Variants in RIPOR2 observed in about 807,000 individuals in gnomAD.
RIPOR2 encodes the protein RHO family interacting cell polarization regulator 2.
In RIPOR2, 39 loss-of-function variants were observed where a neutral mutation model predicts 114.5. The observed-to-expected ratio is 0.34, with a 90% CI of 0.26 to 0.44. The LOEUF is 0.44. RIPOR2 is among the 20% of genes least tolerant of loss of function. The probability of loss-of-function intolerance (pLI) is 1.00; values close to 1 mark genes in which losing one functional copy is unlikely to be tolerated. For missense variants in RIPOR2, 1,007 were observed against 1,255.1 expected (o/e 0.80, Z 2.99); for synonymous variants, 445 against 484.4 (o/e 0.92, Z 1.07).
intron 1 of RIPOR2, among the ~76,000 whole-genome samples, chr6:24,908,899 C>T (rs541356700): frequency 3.3e-5 from 5 of 152,292 alleles, no homozygotes; most frequent in African/African-American, 7.2e-5. Flanking sequence ...CGCATGCTTT[C>T]GGTTTTCTTT....
intron 1 of RIPOR2, 140 bp from the exon 2 acceptor site, chr6:24,875,957 C>A: frequency 1.3e-6 from 1 of 764,888 alleles, no homozygotes; most frequent in Non-Finnish European, 2.1e-6. Flanking sequence ...TATGGAGTGT[C>A]CTGAAGACGA....
At chr6:24,821,195 T>G (rs1759671541) in intron 19 of RIPOR2, among the ~76,000 whole-genome samples, 1 of 149,966 alleles carries the variant, frequency 6.7e-6, no homozygotes, top group African/African-American at 2.5e-5. Context: ...TTTTTTTTTT[T>G]TTTTGAGATG....
At chr6:24,971,978 ATAT>A (rs1443866745) in intron 1 of RIPOR2, among the ~76,000 whole-genome samples, 8 of 152,136 alleles carry the variant, frequency 5.3e-5, no homozygotes, top group Non-Finnish European at 1.0e-4. Flanking sequence ...AGCTTTCGAC[ATAT>A]TATTATTATT....
chr6:25,013,064 T>A (rs1454076750), intron 1 of RIPOR2, among the ~76,000 whole-genome samples: 1 of 151,736 alleles, frequency 6.6e-6, no homozygotes, highest in African/African-American at 2.4e-5. Flanking sequence ...GGTGAGCATC[T>A]GCAGAATGCT....
At chr6:24,857,755 T>A (rs570089593) in intron 8 of RIPOR2, among the ~76,000 whole-genome samples, 3 of 152,334 alleles carry the variant, frequency 2.0e-5, no homozygotes, top group African/African-American at 4.8e-5. Context: ...GACCAGGATA[T>A]ATGCACTGCC....
At position 24,852,653 on chromosome 6, in the gene RIPOR2, C is replaced by T. The variant is rs775968621; in HGVS notation, c.716-35G>A. 3.3e-6 allele frequency: 5 copies of T among 1,537,098 alleles called. No individual in the cohort carries two copies. The African/African-American group carries it at 4.2e-5, about 13-fold the overall frequency. The stretch of plus-strand genomic sequence containing the variant: ...AGAAATTGGAAGGTGAGGTGTAGAA[C>T]ATATTTCCCCTCTCTATAGACACAT... On this transcript the variant is annotated intron_variant, in intron 8 of 21. Transcript: ENST00000643898.
chr6:24,949,245 T>C (rs576058866), intron 1 of RIPOR2, among the ~76,000 whole-genome samples: 3 of 152,164 alleles, frequency 2.0e-5, no homozygotes, highest in South Asian at 2.1e-4. Context: ...AGCAAGAAGA[T>C]AGAAACACCA....
intron 1 of RIPOR2, among the ~76,000 whole-genome samples, chr6:25,022,753 C>T (rs1350452385): frequency 6.6e-6 from 1 of 151,616 alleles, no homozygotes; most frequent in Non-Finnish European, 1.5e-5. Flanking sequence ...ACTATGTTGT[C>T]CAGGCTGGTC....
At chr6:25,021,380 G>A (rs966660507) in intron 1 of RIPOR2, among the ~76,000 whole-genome samples, 2 of 152,158 alleles carry the variant, frequency 1.3e-5, no homozygotes, top group African/African-American at 4.8e-5. Context: ...AATTAAGGCT[G>A]TGGCACCCAA....
At chr6:24,818,861 G>A (rs1050266804) in intron 19 of RIPOR2, among the ~76,000 whole-genome samples, 9 of 151,584 alleles carry the variant, frequency 5.9e-5, no homozygotes, top group African/African-American at 1.9e-4. Context: ...GAACATAAGG[G>A]ATCAATTTAT....
intron 6 of RIPOR2, among the ~76,000 whole-genome samples, chr6:24,866,028 C>T (rs990935669): frequency 6.6e-6 from 1 of 152,054 alleles, no homozygotes; most frequent in Non-Finnish European, 1.5e-5. Context: ...GATATTTACA[C>T]ATCCAGATTT....
intron 1 of RIPOR2, among the ~76,000 whole-genome samples, chr6:24,889,984 C>A (rs1050180279): frequency 5.9e-5 from 9 of 151,994 alleles, no homozygotes; most frequent in African/African-American, 2.4e-5. Context: ...CTCTGCCTCC[C>A]GGGTTCAAGC....
rs372774599 is a variant in RIPOR2 at position 24,883,103 on chromosome 6, C to T, written c.62-7286G>A. 1.4e-4 allele frequency among the ~76,000 whole-genome samples: 22 copies of T among 152,262 alleles called. 1 individual carries two copies. Among genetic ancestry groups the T allele is most frequent in the African/African-American group, 5.1e-4 (21 of 41,548 alleles). On this transcript the variant is annotated intron_variant, in intron 1 of 21. Transcript: ENST00000643898. This position sits in a 1 kb window ranked among gnomAD's most constrained non-coding sequence, Gnocchi z 4.1. Reference sequence around the variant, plus strand: ...AATAGCTAGATGCTACTGTCTTAACCCTTATGGTGTTTTCCTTTTTTAAAA... The same window carrying T: ...AATAGCTAGATGCTACTGTCTTAACTCTTATGGTGTTTTCCTTTTTTAAAA...
intron 13 of RIPOR2, among the ~76,000 whole-genome samples, chr6:24,841,869 T>A (rs533854369): frequency 6.6e-6 from 1 of 152,010 alleles, no homozygotes; most frequent in African/African-American, 2.4e-5. Flanking sequence ...CTGCCCGCCT[T>A]GGCCTTCCAA....
intron 1 of RIPOR2, among the ~76,000 whole-genome samples, chr6:24,983,873 T>C (rs1226575791): frequency 1.3e-5 from 2 of 151,592 alleles, no homozygotes; most frequent in Non-Finnish European, 1.5e-5. Context: ...TGGCCATGGT[T>C]AAGTTCTATC....
At position 25,005,738 on chromosome 6, in the gene RIPOR2, T is replaced by TATATATAC. The variant is rs34572978; in HGVS notation, c.76+36112_76+36113insGTATATAT. Among the ~76,000 whole-genome samples the TATATATAC allele has an allele frequency of 8.9e-3, 628 of 70,662 alleles. 98 individuals are homozygous for TATATATAC. The highest frequency in any genetic ancestry group is 0.016 in the Non-Finnish European group (475 of 30,004). The allele number at this position is 70,662 out of a possible 152,430, so 46.4% of individuals were successfully genotyped here. ...ATATATATATATATATATATATATATATACATTTACCGATCAAAAGATATG... is the reference window on the plus strand; with the variant it reads ...ATATATATATATATATATATATATATATATATACATACATTTACCGATCAAAAGATATG... On this transcript the variant is annotated intron_variant, in intron 1 of 13. Coordinates refer to the RIPOR2 transcript ENST00000510784.
chr6:24,948,064 C>A (rs1399119356), intron 1 of RIPOR2: 1 of 152,130 alleles, frequency 6.6e-6, no homozygotes, highest in African/African-American at 2.4e-5. Flanking sequence ...ACTATTTTAC[C>A]TGCCATTATC....
rs1761936066 is a variant in RIPOR2 at position 24,843,402 on chromosome 6, G to A, written c.1317C>T (p.Thr439=). The change falls in exon 13 of 22, where the codon ACC becomes ACT. Residue 439 remains threonine, a synonymous_variant. Coordinates refer to ENST00000643898, the MANE Select transcript of RIPOR2 (RefSeq NM_001286445.3). ...TGAGGTTAAACTCCGCAGGGGTGAT[G>A]GTAATTTCTGGATTTGTTGAGTTGG... ...SPSNSTNPEI[T]ITPAEFNLSS... 1 of 1,613,850 alleles carries A rather than the reference G, an allele frequency of 6.2e-7. No homozygotes were observed. The highest frequency in any genetic ancestry group is 2.2e-5 in the East Asian group (1 of 44,868).
intron 6 of RIPOR2, among the ~76,000 whole-genome samples, chr6:24,866,311 AT>A (rs1233743398): frequency 6.6e-6 from 1 of 152,138 alleles, no homozygotes; most frequent in Non-Finnish European, 1.5e-5. Flanking sequence ...TCAAATGACT[AT>A]TGATTTTATA....
Sources: gnomAD v4.1 joint callset for allele counts (sites outside exome capture counted in the v4.1 genomes callset) on GRCh38, gnomAD v4.1.1 for gene constraint, Gnocchi (gnomAD v3.1) non-coding constraint, MANE v1.5 for transcripts, NCBI Gene and HGNC (gene_info 2026-07-23, HGNC 2026-07-21) for gene names.